RASGRF2: variants seen among roughly 807,000 people sequenced by gnomAD.
RASGRF2 encodes the protein ras-specific guanine nucleotide-releasing factor 2.
A neutral mutation model predicts 151.0 loss-of-function variants in RASGRF2; 76 were observed. The observed-to-expected ratio is 0.50, with a 90% CI of 0.42 to 0.61. The LOEUF is 0.61. Ranked by LOEUF, RASGRF2 falls within the 20% of genes least tolerant of loss-of-function variation. The probability of loss-of-function intolerance (pLI) is 0.00; values close to 1 mark genes in which losing one functional copy is unlikely to be tolerated. For missense variants in RASGRF2, 1,148 were observed against 1,564.6 expected, an observed-to-expected ratio of 0.73 and a Z score of 4.49; for synonymous variants, 504 against 566.5, an observed-to-expected ratio of 0.89 and a Z score of 1.57.
chr5:80,997,993 G>C (rs1181004934), intron 1 of RASGRF2: 1 of 143,896 alleles, frequency 6.9e-6, no homozygotes, highest in Non-Finnish European at 1.5e-5. Flanking sequence ...AAAAATTAAA[G>C]TTGTTAAGAC....
intron 1 of RASGRF2, among the ~76,000 whole-genome samples, chr5:81,039,658 A>T (rs148067711): frequency 7.2e-5 from 11 of 152,344 alleles, no homozygotes; most frequent in African/African-American, 2.4e-4. Flanking sequence ...ATAGATCTTT[A>T]TACATAAAAG....
chr5:81,003,477 C>T (rs1399523457), intron 1 of RASGRF2, among the ~76,000 whole-genome samples: 1 of 152,124 alleles, frequency 6.6e-6, no homozygotes, highest in Non-Finnish European at 1.5e-5. Flanking sequence ...CCCGCCTTGG[C>T]CTCCCAAAGT....
At chr5:81,067,438 A>G (rs561803725) in intron 2 of RASGRF2, among the ~76,000 whole-genome samples, 28 of 152,346 alleles carry the variant, frequency 1.8e-4, no homozygotes, top group African/African-American at 6.5e-4. Flanking sequence ...GAGCCCAAAT[A>G]ATCTAAACTT....
chr5:81,006,257 G>C (rs1749266557), intron 1 of RASGRF2, among the ~76,000 whole-genome samples: 1 of 152,008 alleles, frequency 6.6e-6, no homozygotes, highest in South Asian at 2.1e-4. Flanking sequence ...TTGTTTATTG[G>C]GCTGTAGTCA....
chr5:81,155,972 G>A (rs1332851937), intron 17 of RASGRF2, among the ~76,000 whole-genome samples: 1 of 152,190 alleles, frequency 6.6e-6, no homozygotes, highest in African/African-American at 2.4e-5. Flanking sequence ...AGGCCTAAGT[G>A]TGGGTTCAAG....
intron 17 of RASGRF2, among the ~76,000 whole-genome samples, chr5:81,167,897 T>A (rs1019900249): frequency 6.6e-6 from 1 of 152,226 alleles, no homozygotes; most frequent in Non-Finnish European, 1.5e-5. Flanking sequence ...CTTCAGATCT[T>A]AAATGGATAT....
At chr5:80,969,645 G>A (rs1413695855) in intron 1 of RASGRF2, among the ~76,000 whole-genome samples, 4 of 149,666 alleles carry the variant, frequency 2.7e-5, no homozygotes, top group East Asian at 2.0e-4. Flanking sequence ...TAGAGACGGG[G>A]TTTCACCGTG....
At chr5:81,042,463 A>G (rs1750706734) in intron 1 of RASGRF2, among the ~76,000 whole-genome samples, 1 of 152,242 alleles carries the variant, frequency 6.6e-6, no homozygotes, top group Non-Finnish European at 1.5e-5. Flanking sequence ...GAGAATAGAT[A>G]TAGAATAGAA....
intron 9 of RASGRF2, among the ~76,000 whole-genome samples, chr5:81,090,458 A>C (rs1190968048): frequency 6.6e-6 from 1 of 152,244 alleles, no homozygotes; most frequent in Non-Finnish European, 1.5e-5. Flanking sequence ...TCCTTTCTTC[A>C]TATCTCATAG....
At chr5:81,023,604 A>G (rs938166373) in intron 1 of RASGRF2, among the ~76,000 whole-genome samples, 1 of 152,224 alleles carries the variant, frequency 6.6e-6, no homozygotes, top group African/African-American at 2.4e-5. Flanking sequence ...TTAACTCCTA[A>G]AAGTGTAACA....
intron 1 of RASGRF2, among the ~76,000 whole-genome samples, chr5:81,020,211 C>A (rs1369803717): frequency 3.3e-5 from 5 of 152,180 alleles, no homozygotes; most frequent in Admixed American, 6.5e-5. Flanking sequence ...CTTTCGTGAA[C>A]CTGCCAACCT....
intron 17 of RASGRF2, among the ~76,000 whole-genome samples, chr5:81,169,293 G>A (rs1754587765): frequency 6.6e-6 from 1 of 152,046 alleles, no homozygotes; most frequent in Non-Finnish European, 1.5e-5. Context: ...TTTTTGTAGG[G>A]CTTCCATAAC....
intron 1 of RASGRF2, among the ~76,000 whole-genome samples, chr5:81,033,727 C>A (rs1750356889): frequency 6.6e-6 from 1 of 152,182 alleles, no homozygotes; most frequent in African/African-American, 2.4e-5. Context: ...CCATTCAGGA[C>A]ATAGGCATGG....
intron 12 of RASGRF2, among the ~76,000 whole-genome samples, chr5:81,107,719 G>A (rs1580321421): frequency 6.6e-6 from 1 of 152,236 alleles, no homozygotes; most frequent in East Asian, 1.9e-4. Flanking sequence ...CCACTCGTGG[G>A]ATAAGGTGGA....
At chr5:80,968,835 C>T (rs1747809039) in intron 1 of RASGRF2, among the ~76,000 whole-genome samples, 1 of 152,190 alleles carries the variant, frequency 6.6e-6, no homozygotes, top group South Asian at 2.1e-4. Flanking sequence ...AAATGTGTGC[C>T]ACCACACCCA....
chr5:81,169,362 G>A (rs1360708120), intron 17 of RASGRF2, among the ~76,000 whole-genome samples: 1 of 152,186 alleles, frequency 6.6e-6, no homozygotes, highest in Admixed American at 6.5e-5. Flanking sequence ...CTGTTCTGGA[G>A]GCCAGAAGTC....
At chr5:81,197,670 A>G (rs1000335410) in intron 18 of RASGRF2, among the ~76,000 whole-genome samples, 1 of 152,188 alleles carries the variant, frequency 6.6e-6, no homozygotes, top group Non-Finnish European at 1.5e-5. Flanking sequence ...TGCAATTAAC[A>G]ATGTTCTCTC....
intron 1 of RASGRF2, among the ~76,000 whole-genome samples, chr5:80,999,575 T>C (rs181909173): frequency 1.5e-3 from 233 of 152,164 alleles, no homozygotes; most frequent in African/African-American, 5.4e-3. Context: ...CTGAGGCTGG[T>C]CTTGAACTTC....
intron 2 of RASGRF2, among the ~76,000 whole-genome samples, chr5:81,045,250 T>G (rs1396990312): frequency 6.6e-6 from 1 of 152,184 alleles, no homozygotes; most frequent in Non-Finnish European, 1.5e-5. Context: ...AATACATAAT[T>G]TAAAACATGC....
Sources: gnomAD v4.1 joint callset for allele counts (sites outside exome capture counted in the v4.1 genomes callset) on GRCh38, gnomAD v4.1.1 for gene constraint, MANE v1.5 for transcripts, NCBI Gene and HGNC (gene_info 2026-07-23, HGNC 2026-07-21) for gene names.